The following COL11A1 variants were observed in gnomAD, a reference collection of about 807,000 sequenced individuals.
COL11A1 encodes the protein collagen alpha-1(XI) chain.
A neutral mutation model predicts 265.2 loss-of-function variants in COL11A1; 74 were observed. The ratio of observed to expected loss-of-function variants is 0.28; its 90% confidence interval spans 0.23 to 0.34. The LOEUF is 0.34. COL11A1 is among the 10% of genes least tolerant of loss of function. COL11A1 has a pLI of 1.00. For synonymous variants in COL11A1, 816 were observed against 727.6 expected, an observed-to-expected ratio of 1.12 and a Z score of -1.96; for missense variants, 2,165 against 2,263.6, an observed-to-expected ratio of 0.96 and a Z score of 0.88.
Position 102,915,677 on chromosome 1 carries a change from G to A in COL11A1, c.3770C>T (p.Pro1257Leu). Residue 1257 changes from proline (P) to leucine (L), a missense_variant, in exon 50 of 67, where the codon CCT (proline) becomes CTT (leucine). Transcript: ENST00000370096. ...SVGGVGEKGE[P>L]GEAGNPGPPG... ...AGGCCCTGGGTTCCCTGCTTCTCCA[G>A]GTTCACCCTATATAGAGAAGATCAA... 6.2e-7 allele frequency: 1 copy of A among 1,611,346 alleles called. No homozygotes were observed. The highest frequency in any genetic ancestry group is 1.1e-5 in the South Asian group (1 of 91,006).
chr1:102,981,384 A>C (rs1348670256), intron 31 of COL11A1, among the ~76,000 whole-genome samples: 1 of 144,888 alleles, frequency 6.9e-6, no homozygotes, highest in Admixed American at 6.9e-5. Flanking sequence ...CAGTATGAAA[A>C]TAAAAATTTT....
chr1:103,039,953 C>T (rs1321029508), intron 4 of COL11A1, among the ~76,000 whole-genome samples: 1 of 152,016 alleles, frequency 6.6e-6, no homozygotes, highest in East Asian at 1.9e-4. Flanking sequence ...AGTTATACAC[C>T]TGACAGTATC....
chr1:102,936,889 A>G (rs1246487496), intron 44 of COL11A1, among the ~76,000 whole-genome samples: 1 of 152,186 alleles, frequency 6.6e-6, no homozygotes, highest in Non-Finnish European at 1.5e-5. Context: ...CTGAAAAGGT[A>G]CTGAAAATGC....
At chr1:102,913,729 A>G (rs781369418) in intron 52 of COL11A1, 39 bp from the exon 53 acceptor site, 1 of 1,570,558 alleles carries the variant, frequency 6.4e-7, no homozygotes, top group Non-Finnish European at 8.8e-7. Context: ...GATATATCTC[A>G]GTATCAATAA....
intron 44 of COL11A1, among the ~76,000 whole-genome samples, chr1:102,936,501 C>T (rs759347177): frequency 6.6e-6 from 1 of 152,062 alleles, no homozygotes; most frequent in African/African-American, 2.4e-5. Flanking sequence ...AAGAAAACAA[C>T]TGACAGTATT....
chr1:103,010,654 A>G (rs1666032045), intron 14 of COL11A1, among the ~76,000 whole-genome samples: 1 of 152,012 alleles, frequency 6.6e-6, no homozygotes. Flanking sequence ...AATAAATGAA[A>G]TTTATTTGAA....
intron 4 of COL11A1, among the ~76,000 whole-genome samples, chr1:103,059,035 G>GA (rs112177248): frequency 2.0e-5 from 3 of 151,910 alleles, no homozygotes; most frequent in African/African-American, 4.8e-5. Context: ...CATGCTGCTG[G>GA]AAAAAAATGA....
Position 102,920,297 on chromosome 1 carries a change from A to G in COL11A1, c.3762+14T>C, listed in dbSNP as rs1262502086. 5 of 1,611,666 alleles carry G rather than the reference A, an allele frequency of 3.1e-6. No individual in the cohort carries two copies. In the South Asian group the frequency reaches 5.5e-5, roughly 18 times the overall value. ...TTCATGCTGTTTCAAACTGTGTGTC[A>G]CTAACATATTTACCTTTTCTCCAAC... On this transcript the variant is annotated intron_variant, in intron 49 of 66. Transcript: ENST00000370096.
intron 42 of COL11A1, among the ~76,000 whole-genome samples, chr1:102,945,300 C>T (rs1659154881): frequency 1.3e-5 from 2 of 150,086 alleles, no homozygotes; most frequent in African/African-American, 2.4e-5. Flanking sequence ...CCCTGTCTTT[C>T]TCCATCTACC....
At chr1:103,054,422 G>A (rs1367470853) in intron 4 of COL11A1, among the ~76,000 whole-genome samples, 5 of 152,010 alleles carry the variant, frequency 3.3e-5, no homozygotes, top group Admixed American at 2.6e-4. Flanking sequence ...CGTTCAAATG[G>A]CATTTTGCTT....
chr1:103,070,224 TA>T (rs1671472499), intron 4 of COL11A1, among the ~76,000 whole-genome samples: 1 of 148,246 alleles, frequency 6.7e-6, no homozygotes, highest in African/African-American at 2.5e-5. Flanking sequence ...ATAATAATAA[TA>T]ATAATAATAA....
chr1:102,916,819 T>C lies in COL11A1; in HGVS notation c.3763-1135A>G, dbSNP rs538531342. Among the ~76,000 whole-genome samples the C allele has an allele frequency of 8.0e-5, 12 of 150,120 alleles. No individual in the cohort carries two copies. The South Asian group carries it at 2.5e-3, about 31-fold the overall frequency. On this transcript the variant is annotated intron_variant, in intron 49 of 66. Transcript: ENST00000370096. ...AATACTTCCAGAATTTTTGGATAAC[T>C]CTTACAAAAAAAAATTGCATTTATA... is the stretch of plus-strand genomic sequence containing the variant.
intron 54 of COL11A1, among the ~76,000 whole-genome samples, chr1:102,910,243 A>C (rs1381090007): frequency 2.0e-5 from 3 of 152,078 alleles, no homozygotes; most frequent in Non-Finnish European, 4.4e-5. Context: ...AGTTGTTTTC[A>C]AAATGAATAA....
intron 54 of COL11A1, among the ~76,000 whole-genome samples, chr1:102,910,433 G>T (rs1654516055): frequency 6.6e-6 from 1 of 152,070 alleles, no homozygotes; most frequent in South Asian, 2.1e-4. Context: ...CTTGCTGAGA[G>T]TTTGACTTGA....
At position 102,914,649 on chromosome 1, in the gene COL11A1, G is replaced by T. The variant is rs1248230154; in HGVS notation, c.3924+55C>A. The T allele has an allele frequency of 1.7e-5, 22 of 1,332,084 alleles. No individual in the cohort carries two copies. The South Asian group carries it at 2.7e-4, about 16-fold the overall frequency. 82.5% of individuals were successfully genotyped at this position (1,332,084 alleles called of 1,614,324 possible). A position where few individuals can be genotyped will look rare whatever the true frequency, so the allele number is the denominator to read the frequency against. Reference sequence around the variant, plus strand: ...AGGATTTCAAATCTTTCTAAGAAAAGCTCCAAGGTGAGTTTGGCATAAATG... The same window carrying T: ...AGGATTTCAAATCTTTCTAAGAAAATCTCCAAGGTGAGTTTGGCATAAATG... On this transcript the variant is annotated intron_variant, in intron 51 of 66. Coordinates refer to ENST00000370096, the MANE Select transcript of COL11A1 (RefSeq NM_001854.4).
In COL11A1 at chr1:102,898,641, G is replaced by T. The variant is rs558452086; in HGVS notation, c.4248+25C>A. The T allele has an allele frequency of 4.5e-5, 71 of 1,578,858 alleles. 2 individuals carry two copies. In the South Asian group the frequency reaches 7.6e-4, roughly 17 times the overall value. ...AAATAAAAATGTTATTTTCAAAATG[G>T]CATCTTTTTAACACAGATGCTCACC... On this transcript the variant is annotated intron_variant, in intron 56 of 66. Transcript: ENST00000370096.
chr1:103,022,343 A>G (rs1357392427), intron 8 of COL11A1, among the ~76,000 whole-genome samples: 1 of 152,158 alleles, frequency 6.6e-6, no homozygotes, highest in Non-Finnish European at 1.5e-5. Flanking sequence ...AACATGTTTT[A>G]TAATGACATC....
intron 2 of COL11A1, among the ~76,000 whole-genome samples, chr1:103,080,155 A>T (rs1373707040): frequency 6.6e-6 from 1 of 151,954 alleles, no homozygotes; most frequent in Non-Finnish European, 1.5e-5. Context: ...AGTGGAAATT[A>T]TTAAAACATA....
chr1:102,956,444 AT>A (rs1243833357), intron 41 of COL11A1, among the ~76,000 whole-genome samples: 1 of 152,130 alleles, frequency 6.6e-6, no homozygotes, highest in Non-Finnish European at 1.5e-5. Context: ...TTATTTCTTT[AT>A]GGTACTTTCA....
Sources: allele counts gnomAD v4.1 joint callset (sites outside exome capture counted in the v4.1 genomes callset), GRCh38; gene constraint gnomAD v4.1.1; transcripts MANE v1.5; gene names NCBI Gene and HGNC (gene_info 2026-07-23, HGNC 2026-07-21).